Variants in PITPNC1 observed in about 807,000 individuals in gnomAD.
PITPNC1 encodes the protein cytoplasmic phosphatidylinositol transfer protein 1.
PITPNC1 carries 18 observed loss-of-function variants against 44.7 expected under a neutral mutation model. The observed-to-expected ratio is 0.40, with a 90% CI of 0.28 to 0.60. The LOEUF (loss-of-function observed/expected upper bound fraction) is 0.60, where lower values mean the gene tolerates loss of function less well. Among genes scored for constraint, PITPNC1 ranks in the 20% least tolerant of loss-of-function variants. The pLI is 0.39. For missense variants in PITPNC1, 290 were observed against 418.4 expected, an observed-to-expected ratio of 0.69 and a Z score of 2.68; for synonymous variants, 141 against 149.6, an observed-to-expected ratio of 0.94 and a Z score of 0.42.
At chr17:67,684,433 T>C (rs2042776340) in intron 8 of PITPNC1, among the ~76,000 whole-genome samples, 1 of 148,872 alleles carries the variant, frequency 6.7e-6, no homozygotes, top group Admixed American at 6.7e-5. Flanking sequence ...GATTCTTAAA[T>C]AATGTTTTTT....
chr17:67,679,429 C>T (rs1180412888), intron 8 of PITPNC1, among the ~76,000 whole-genome samples: 1 of 152,208 alleles, frequency 6.6e-6, no homozygotes, highest in Non-Finnish European at 1.5e-5. Flanking sequence ...AATTTGAGCC[C>T]CATTTGCCTC....
In PITPNC1 at chr17:67,697,051, C is replaced by T. The variant is rs568486323; in HGVS notation, c.*4163C>T. 1 of 152,370 alleles carries T rather than the reference C, an allele frequency of 6.6e-6. No individual in the cohort carries two copies. The highest frequency in any genetic ancestry group is 2.1e-4 in the South Asian group (1 of 4,830). 9.4% of individuals were successfully genotyped at this position (152,370 alleles called of 1,614,324 possible). ...GATCTTGATTGGTTAAATTAATCCA[C>T]ATACCACTGCCACTGCTGAAGGACC... is the stretch of plus-strand genomic sequence containing the variant. On this transcript the variant is annotated 3_prime_UTR_variant, in exon 9 of 9. Transcript: ENST00000581322.
chr17:67,640,685 G>GGA (rs751292409), intron 6 of PITPNC1, among the ~76,000 whole-genome samples: 2 of 100,218 alleles, frequency 2.0e-5, no homozygotes, highest in Admixed American at 1.2e-4. Context: ...TGTTGAAAAA[G>GGA]AAAAAAAAAA....
chr17:67,403,469 A>G (rs1598620405), intron 1 of PITPNC1, among the ~76,000 whole-genome samples: 1 of 152,210 alleles, frequency 6.6e-6, no homozygotes, highest in East Asian at 1.9e-4. Flanking sequence ...TTTAGTGTAT[A>G]AACATTTAAT....
intron 2 of PITPNC1, among the ~76,000 whole-genome samples, chr17:67,541,352 G>A (rs2040605124): frequency 6.6e-6 from 1 of 152,134 alleles, no homozygotes; most frequent in Non-Finnish European, 1.5e-5. Context: ...TCTTATCTTT[G>A]GATCCCAAAA....
intron 1 of PITPNC1, among the ~76,000 whole-genome samples, chr17:67,412,957 TG>T (rs2038526272): frequency 6.6e-6 from 1 of 152,246 alleles, no homozygotes; most frequent in Non-Finnish European, 1.5e-5. Flanking sequence ...TCCTTATTAC[TG>T]TTTTTTCCTC....
chr17:67,423,970 A>G (rs2038705545), intron 1 of PITPNC1, among the ~76,000 whole-genome samples: 1 of 151,790 alleles, frequency 6.6e-6, no homozygotes, highest in African/African-American at 2.4e-5. Flanking sequence ...TTGGTTTAAC[A>G]CCAATCCAAA....
chr17:67,527,523 C>A (rs1292258259), intron 1 of PITPNC1, among the ~76,000 whole-genome samples: 1 of 151,300 alleles, frequency 6.6e-6, no homozygotes, highest in African/African-American at 2.4e-5. Flanking sequence ...GCCAACATGG[C>A]GAAACCCCGT....
intron 1 of PITPNC1, among the ~76,000 whole-genome samples, chr17:67,526,482 A>G (rs2040392755): frequency 6.6e-6 from 1 of 152,218 alleles, no homozygotes; most frequent in African/African-American, 2.4e-5. Flanking sequence ...TAATCCCAGC[A>G]CTTTGGGAGG....
At chr17:67,469,733 G>A (rs2039486642) in intron 1 of PITPNC1, among the ~76,000 whole-genome samples, 1 of 152,026 alleles carries the variant, frequency 6.6e-6, no homozygotes, top group African/African-American at 2.4e-5. Context: ...TTGCACTAAT[G>A]TTTAGGGACC....
At chr17:67,392,895 G>A (rs1261550816) in intron 1 of PITPNC1, among the ~76,000 whole-genome samples, 6 of 152,036 alleles carry the variant, frequency 3.9e-5, no homozygotes, top group Non-Finnish European at 7.4e-5. Flanking sequence ...CAAGGCAGGC[G>A]GATTACTTGA....
chr17:67,596,395 A>T (rs564408302), intron 5 of PITPNC1, among the ~76,000 whole-genome samples: 1 of 151,382 alleles, frequency 6.6e-6, no homozygotes, highest in East Asian at 1.9e-4. Context: ...GTATTGCTTT[A>T]AAAAAAAAGT....
intron 5 of PITPNC1, among the ~76,000 whole-genome samples, chr17:67,607,472 G>A (rs369085658): frequency 6.6e-5 from 10 of 152,304 alleles, no homozygotes; most frequent in South Asian, 2.1e-4. Flanking sequence ...GCTAAGTGAC[G>A]TGCTCAATCT....
chr17:67,595,746 T>G (rs2041452098), intron 5 of PITPNC1, among the ~76,000 whole-genome samples: 1 of 152,220 alleles, frequency 6.6e-6, no homozygotes. Flanking sequence ...CACTAATACC[T>G]ATTGAAGGCC....
In PITPNC1 at chr17:67,481,655, G is replaced by C. The variant is rs185548731; in HGVS notation, c.49-51147G>C. Among the ~76,000 whole-genome samples the C allele has an allele frequency of 3.2e-3, 481 of 151,436 alleles. 1 individual carries two copies. The highest frequency in any genetic ancestry group is 7.5e-3 in the Admixed American group (113 of 15,166). ...CCAGCTGCTACTAAATTTATTACCC[G>C]TAAAATAAAAATAAAAATAAATTTA... On this transcript the variant is annotated intron_variant, in intron 1 of 8. Transcript: ENST00000581322.
chr17:67,498,192 T>C (rs1239177690), intron 1 of PITPNC1, among the ~76,000 whole-genome samples: 1 of 152,154 alleles, frequency 6.6e-6, no homozygotes, highest in Non-Finnish European at 1.5e-5. Flanking sequence ...TTATTATCCA[T>C]GTGTATATCA....
chr17:67,624,230 T>TTTTTTTTC (rs1567745244), intron 5 of PITPNC1, among the ~76,000 whole-genome samples: 1 of 147,202 alleles, frequency 6.8e-6, no homozygotes, highest in Non-Finnish European at 1.5e-5. Flanking sequence ...TTTTTTTTTT[T>TTTTTTTTC]CCTCAGGGTT....
At chr17:67,425,186 T>TGG (rs1447478316) in intron 1 of PITPNC1, among the ~76,000 whole-genome samples, 1 of 55,724 alleles carries the variant, frequency 1.8e-5, no homozygotes, top group Non-Finnish European at 3.6e-5. Context: ...AGCCATGTTG[T>TGG]GCGCGCGCAC....
At chr17:67,412,998 TCGG>T (rs1327931196) in intron 1 of PITPNC1, among the ~76,000 whole-genome samples, 2 of 152,230 alleles carry the variant, frequency 1.3e-5, no homozygotes, top group Non-Finnish European at 2.9e-5. Flanking sequence ...GATAATACCT[TCGG>T]TGTTTTTGAG....
Sources: allele counts gnomAD v4.1 joint callset (sites outside exome capture counted in the v4.1 genomes callset), GRCh38; gene constraint gnomAD v4.1.1; transcripts MANE v1.5; gene names NCBI Gene and HGNC (gene_info 2026-07-23, HGNC 2026-07-21).